The following SHQ1 variants were observed in gnomAD, a reference collection of about 807,000 sequenced individuals.
SHQ1 encodes protein SHQ1 homolog.
SHQ1 carries 49 observed loss-of-function variants against 53.8 expected under a neutral mutation model. That is an observed-to-expected ratio of 0.91 (90% confidence interval 0.72 to 1.16). The LOEUF is 1.16. SHQ1 is among the 50% of genes most tolerant of loss of function. The probability of loss-of-function intolerance (pLI) is 0.00; values close to 1 mark genes in which losing one functional copy is unlikely to be tolerated. For synonymous variants in SHQ1, 243 were observed against 251.0 expected (o/e 0.97, Z 0.30); for missense variants, 738 against 683.1 (o/e 1.08, Z -0.90).
At chr3:72,836,290 T>C (rs189804182) in intron 4 of SHQ1, among the ~76,000 whole-genome samples, 186 of 152,198 alleles carry the variant, frequency 1.2e-3, no homozygotes, top group South Asian at 0.012. Context: ...GAGATAGAGA[T>C]CATCCTGGCT....
chr3:72,806,929 T>C (rs1470669502), intron 9 of SHQ1, among the ~76,000 whole-genome samples: 1 of 152,196 alleles, frequency 6.6e-6, no homozygotes, highest in Non-Finnish European at 1.5e-5. Context: ...CCCTAGGTAG[T>C]GAACACGCTC....
At chr3:72,795,761 ACT>A (rs1423154206) in intron 9 of SHQ1, among the ~76,000 whole-genome samples, 4 of 152,146 alleles carry the variant, frequency 2.6e-5, no homozygotes, top group African/African-American at 9.7e-5. Context: ...CCTCCAGAAT[ACT>A]CTCTCTCAAG....
chr3:72,833,231 C>T (rs1707875493), intron 4 of SHQ1, among the ~76,000 whole-genome samples: 2 of 152,096 alleles, frequency 1.3e-5, no homozygotes, highest in Admixed American at 1.3e-4. Context: ...TGCTTGAGCC[C>T]AGGAGTTCGA....
chr3:72,759,438 C>G (rs549435919), intron 10 of SHQ1, among the ~76,000 whole-genome samples: 4 of 152,282 alleles, frequency 2.6e-5, no homozygotes, highest in African/African-American at 9.6e-5. Context: ...CACCTGTAAT[C>G]CCAGCACTTT....
intron 9 of SHQ1, among the ~76,000 whole-genome samples, chr3:72,811,717 G>T (rs114345593): frequency 6.6e-6 from 1 of 152,318 alleles, no homozygotes; most frequent in African/African-American, 2.4e-5. Flanking sequence ...CACAGAAAGC[G>T]AAGTACACTT....
rs1708168394 is a variant in SHQ1 at position 72,841,134 on chromosome 3, G to A, written c.397C>T (p.Pro133Ser). 2 of 1,613,746 alleles carry A rather than the reference G, an allele frequency of 1.2e-6. No homozygotes were observed. Among genetic ancestry groups the A allele is most frequent in the African/African-American group, 1.3e-5 (1 of 74,898 alleles). ...GCACTTTCTGATACCTCTTCACAGGGTGTCTGCTCAATTTCCCAATCAAAC... is the reference window on the plus strand; with the variant it reads ...GCACTTTCTGATACCTCTTCACAGGATGTCTGCTCAATTTCCCAATCAAAC... The part of the protein sequence containing the change: ...EEFDWEIEQT[P>S]CEEVSESALN... The change falls in exon 4 of 11, where the codon CCC becomes TCC. Residue 133 changes from proline to serine, a missense_variant. By Grantham distance (74) the Pro-to-Ser change is moderately conservative (BLOSUM62 -1). Transcript: ENST00000325599.
intron 9 of SHQ1, among the ~76,000 whole-genome samples, chr3:72,795,963 C>T (rs1214363850): frequency 2.6e-5 from 4 of 151,654 alleles, no homozygotes; most frequent in South Asian, 2.1e-4. Flanking sequence ...ATGAGCCAGG[C>T]GTGGTAGTGC....
Position 72,844,440 on chromosome 3 carries a change from G to C in SHQ1, c.144-17C>G. On this transcript the variant is annotated splice_polypyrimidine_tract_variant and intron_variant, in intron 1 of 10. Transcript: ENST00000325599. Reference sequence around the variant, plus strand: ...AGGGTTAATCTGCAGATTTAACACAGGTCTCATGAAGTCCTTAAATTATAA... The same window carrying C: ...AGGGTTAATCTGCAGATTTAACACACGTCTCATGAAGTCCTTAAATTATAA... 1 of 1,608,942 alleles carries C rather than the reference G, an allele frequency of 6.2e-7. No homozygotes were observed. The highest frequency in any genetic ancestry group is 1.1e-5 in the South Asian group (1 of 90,962).
At chr3:72,833,249 T>G (rs554392112) in intron 4 of SHQ1, among the ~76,000 whole-genome samples, 6 of 152,052 alleles carry the variant, frequency 3.9e-5, no homozygotes, top group African/African-American at 1.4e-4. Context: ...CGAACCACCC[T>G]GGGCAACATG....
chr3:72,817,885 G>A (rs1033179039), intron 6 of SHQ1, among the ~76,000 whole-genome samples: 12 of 151,952 alleles, frequency 7.9e-5, no homozygotes, highest in Non-Finnish European at 1.5e-4. Context: ...ATCTCATATT[G>A]TTTACCATAT....
intron 4 of SHQ1, among the ~76,000 whole-genome samples, chr3:72,840,241 TTAA>T: frequency 9.9e-6 from 1 of 101,240 alleles, no homozygotes; most frequent in African/African-American, 5.9e-5. Context: ...AGACTCTGTC[TTAA>T]AAAAAAAAAA....
At chr3:72,807,963 C>T (rs888476066) in intron 9 of SHQ1, among the ~76,000 whole-genome samples, 10 of 152,160 alleles carry the variant, frequency 6.6e-5, no homozygotes, top group Admixed American at 2.6e-4. Context: ...TGGGTTACTA[C>T]CTGCTAGGTA....
the SHQ1 span, among the ~76,000 whole-genome samples, chr3:72,744,151 T>C: frequency 6.6e-6 from 1 of 152,212 alleles, no homozygotes; most frequent in South Asian, 2.1e-4. Context: ...GTCAAACTAC[T>C]GGAACTATCA....
intron 4 of SHQ1, among the ~76,000 whole-genome samples, chr3:72,833,545 A>ATAGATAGAT (rs1198575897): frequency 2.3e-5 from 2 of 87,744 alleles, no homozygotes; most frequent in Non-Finnish European, 5.2e-5. Flanking sequence ...AGATAGATAG[A>ATAGATAGAT]TAGATAGATA....
chr3:72,752,808 T>C (rs1057218856), intron 10 of SHQ1, among the ~76,000 whole-genome samples: 1 of 152,048 alleles, frequency 6.6e-6, no homozygotes, highest in African/African-American at 2.4e-5. Context: ...ATTACAGGCA[T>C]GAGTCACCAG....
chr3:72,792,437 T>C lies in SHQ1; in HGVS notation c.1181+479A>G, dbSNP rs910307078. On this transcript the variant is annotated intron_variant, in intron 10 of 10. Transcript: ENST00000325599. ...CTAAGCAAATTCACCAAGCTCCCCA[T>C]GTTAATCCAGTTGCTTTTTAGTGTT... Among the ~76,000 whole-genome samples the C allele has an allele frequency of 9.2e-5, 14 of 152,314 alleles. No individual in the cohort carries two copies. In the East Asian group the frequency reaches 2.7e-3, roughly 29 times the overall value.
intron 10 of SHQ1, among the ~76,000 whole-genome samples, chr3:72,752,675 T>C (rs1487898199): frequency 2.6e-5 from 4 of 152,066 alleles, no homozygotes; most frequent in Admixed American, 2.6e-4. Context: ...TACAGGCGCG[T>C]ACCACCATGC....
chr3:72,735,758 C>A, the SHQ1 span, among the ~76,000 whole-genome samples: 12,239 of 78,598 alleles, frequency 0.16, 25 homozygotes, highest in East Asian at 0.19. Flanking sequence ...GGAAGGCAGG[C>A]AGGCAGGCAG....
intron 5 of SHQ1, among the ~76,000 whole-genome samples, chr3:72,827,875 C>T (rs953161095): frequency 9.9e-5 from 15 of 151,842 alleles, no homozygotes; most frequent in African/African-American, 3.6e-4. Flanking sequence ...CTGCCTCAGC[C>T]TCCCAAGTAG....
Sources: gnomAD v4.1 joint callset for allele counts (sites outside exome capture counted in the v4.1 genomes callset) on GRCh38, gnomAD v4.1.1 for gene constraint, MANE v1.5 for transcripts, NCBI Gene and HGNC (gene_info 2026-07-23, HGNC 2026-07-21) for gene names.